The following TMEM108 variants were observed in gnomAD, a reference collection of about 807,000 sequenced individuals.
TMEM108 encodes the protein cancer/testis antigen 124.
A neutral mutation model predicts 35.1 loss-of-function variants in TMEM108; 12 were observed. The ratio of observed to expected loss-of-function variants is 0.34; its 90% CI spans 0.22 to 0.55. The LOEUF (loss-of-function observed/expected upper bound fraction) is 0.55, where lower values mean the gene tolerates loss of function less well. Ranked by LOEUF, TMEM108 falls within the 20% of genes least tolerant of loss-of-function variation. The pLI is 0.89. For synonymous variants in TMEM108, 287 were observed against 308.6 expected, an observed-to-expected ratio of 0.93 and a Z score of 0.73; for missense variants, 680 against 753.3, an observed-to-expected ratio of 0.90 and a Z score of 1.14.
intron 3 of TMEM108, among the ~76,000 whole-genome samples, chr3:133,233,802 A>G (rs1382346261): frequency 4.6e-5 from 7 of 150,836 alleles, no homozygotes; most frequent in Non-Finnish European, 7.4e-5. Context: ...GATGATGAGC[A>G]TTTTTTCATG....
intron 3 of TMEM108, among the ~76,000 whole-genome samples, chr3:133,243,714 G>A (rs1191047404): frequency 6.6e-5 from 10 of 151,972 alleles, no homozygotes; most frequent in African/African-American, 1.9e-4. Flanking sequence ...TAGTAGAGAC[G>A]GGGTTTCACT....
intron 2 of TMEM108, among the ~76,000 whole-genome samples, chr3:133,187,445 G>A (rs1464303057): frequency 6.6e-6 from 1 of 152,088 alleles, no homozygotes; most frequent in Non-Finnish European, 1.5e-5. Context: ...GTCACTAACT[G>A]ATTAGCATAA....
At chr3:133,162,035 C>A (rs962166794) in intron 2 of TMEM108, among the ~76,000 whole-genome samples, 4 of 152,152 alleles carry the variant, frequency 2.6e-5, no homozygotes, top group African/African-American at 4.8e-5. Context: ...GTTTTTTAAC[C>A]TGCTAGACAT....
chr3:133,245,384 C>T (rs1946371059), intron 3 of TMEM108, among the ~76,000 whole-genome samples: 1 of 152,186 alleles, frequency 6.6e-6, no homozygotes, highest in Non-Finnish European at 1.5e-5. Flanking sequence ...TTGCGAAGTT[C>T]TTTGACCAGT....
chr3:133,058,322 G>A (rs1005540264), intron 2 of TMEM108, among the ~76,000 whole-genome samples: 15 of 152,220 alleles, frequency 9.9e-5, no homozygotes, highest in African/African-American at 3.4e-4. Context: ...GAGCTGATGG[G>A]ATTGGGCTGG....
At chr3:133,198,297 T>A (rs1576376328) in intron 2 of TMEM108, among the ~76,000 whole-genome samples, 5 of 151,720 alleles carry the variant, frequency 3.3e-5, no homozygotes, top group Admixed American at 3.3e-4. Flanking sequence ...ATAGATGTGG[T>A]CAATAGACAT....
chr3:133,216,476 T>G (rs1440495924), intron 2 of TMEM108, among the ~76,000 whole-genome samples: 6 of 152,118 alleles, frequency 3.9e-5, no homozygotes, highest in African/African-American at 1.4e-4. Flanking sequence ...AATCTACTCT[T>G]AGTGATTTCC....
At chr3:133,133,673 T>C (rs1944522809) in intron 2 of TMEM108, among the ~76,000 whole-genome samples, 1 of 151,636 alleles carries the variant, frequency 6.6e-6, no homozygotes, top group East Asian at 1.9e-4. Flanking sequence ...GAGTTTTCTT[T>C]TTTTTTCCTT....
chr3:133,095,150 G>T (rs1425798774), intron 2 of TMEM108, among the ~76,000 whole-genome samples: 1 of 152,110 alleles, frequency 6.6e-6, no homozygotes, highest in East Asian at 1.9e-4. Context: ...ATACGTTGCT[G>T]CTTAAAAATT....
At chr3:133,214,751 T>C (rs1007121045) in intron 2 of TMEM108, among the ~76,000 whole-genome samples, 1 of 152,178 alleles carries the variant, frequency 6.6e-6, no homozygotes, top group Non-Finnish European at 1.5e-5. Flanking sequence ...GGAGGTGAGC[T>C]GCAGGTGAGG....
intron 3 of TMEM108, among the ~76,000 whole-genome samples, chr3:133,275,218 T>A (rs1030761059): frequency 6.6e-6 from 1 of 152,182 alleles, no homozygotes; most frequent in African/African-American, 2.4e-5. Flanking sequence ...GGGAGTTTTT[T>A]CCTTAGATAC....
chr3:133,150,937 C>T (rs1944791033), intron 2 of TMEM108, among the ~76,000 whole-genome samples: 1 of 152,104 alleles, frequency 6.6e-6, no homozygotes, highest in Non-Finnish European at 1.5e-5. Flanking sequence ...TGGTCAGTCC[C>T]CAGTTTACCT....
intron 3 of TMEM108, among the ~76,000 whole-genome samples, chr3:133,230,962 C>G (rs1946144360): frequency 6.6e-6 from 1 of 152,154 alleles, no homozygotes; most frequent in Non-Finnish European, 1.5e-5. Flanking sequence ...CTGGGAAATG[C>G]AAACAGTCCA....
At chr3:133,394,377 A>G (rs1447608621) in intron 5 of TMEM108, among the ~76,000 whole-genome samples, 6 of 152,220 alleles carry the variant, frequency 3.9e-5, no homozygotes, top group African/African-American at 7.2e-5. Flanking sequence ...ATGCCCAACA[A>G]GTGCTTGGAA....
chr3:133,065,709 G>A (rs1054073496), intron 2 of TMEM108, among the ~76,000 whole-genome samples: 10 of 151,940 alleles, frequency 6.6e-5, no homozygotes, highest in African/African-American at 1.5e-4. Context: ...AGTGGTATGC[G>A]CATTTGTACA....
At chr3:133,092,917 T>C (rs1041843773) in intron 2 of TMEM108, among the ~76,000 whole-genome samples, 5 of 150,322 alleles carry the variant, frequency 3.3e-5, no homozygotes, top group Admixed American at 6.7e-5. Context: ...TAGTCATAGC[T>C]GAAAAAGTTC....
At chr3:133,130,934 A>G (rs1576335150) in intron 2 of TMEM108, among the ~76,000 whole-genome samples, 1 of 152,214 alleles carries the variant, frequency 6.6e-6, no homozygotes, top group South Asian at 2.1e-4. Context: ...ATGACACTCT[A>G]TCTACTGTTA....
chr3:133,055,254 A>G (rs1470228552), intron 2 of TMEM108, among the ~76,000 whole-genome samples: 1 of 152,256 alleles, frequency 6.6e-6, no homozygotes, highest in Non-Finnish European at 1.5e-5. Context: ...AAAATCTTCA[A>G]TTTTAACTTT....
intron 3 of TMEM108, among the ~76,000 whole-genome samples, chr3:133,287,977 G>T (rs1947008686): frequency 6.6e-6 from 1 of 152,118 alleles, no homozygotes; most frequent in Non-Finnish European, 1.5e-5. Context: ...CCTTAGGCTG[G>T]GTTCAGCATG....
Sources: allele counts gnomAD v4.1 joint callset (sites outside exome capture counted in the v4.1 genomes callset), GRCh38; gene constraint gnomAD v4.1.1; transcripts MANE v1.5; gene names NCBI Gene and HGNC (gene_info 2026-07-23, HGNC 2026-07-21).